DNER: variants seen among roughly 807,000 people sequenced by gnomAD.
DNER encodes the protein delta and Notch-like epidermal growth factor-related receptor.
DNER carries 33 observed loss-of-function variants against 78.2 expected under a neutral mutation model. The observed-to-expected ratio is 0.42, with a 90% CI of 0.32 to 0.56. The LOEUF (loss-of-function observed/expected upper bound fraction) is 0.56, where lower values mean the gene tolerates loss of function less well. Ranked by LOEUF, DNER falls within the 20% of genes least tolerant of loss-of-function variation. DNER has a pLI of 0.11. For synonymous variants in DNER, 417 were observed against 384.8 expected (o/e 1.08, Z -0.98); for missense variants, 918 against 975.3 (o/e 0.94, Z 0.78).
intron 10 of DNER, among the ~76,000 whole-genome samples, chr2:229,391,184 G>A (rs1010324065): frequency 6.6e-6 from 1 of 152,102 alleles, no homozygotes; most frequent in Admixed American, 6.6e-5. Flanking sequence ...GAAAAGTTTG[G>A]CTTCATTTAC....
chr2:229,685,291 C>A (rs1415742023), intron 1 of DNER, among the ~76,000 whole-genome samples: 7 of 113,308 alleles, frequency 6.2e-5, no homozygotes, highest in Non-Finnish European at 1.3e-4. Flanking sequence ...ATAAATACTT[C>A]ACAGGATCAG....
chr2:229,647,981 A>G (rs1480657216), intron 1 of DNER, among the ~76,000 whole-genome samples: 2 of 152,180 alleles, frequency 1.3e-5, no homozygotes, highest in Non-Finnish European at 2.9e-5. Flanking sequence ...AAAGGTCATG[A>G]TGCACATTTA....
chr2:229,636,051 C>T (rs1341653793), intron 1 of DNER, among the ~76,000 whole-genome samples: 1 of 151,992 alleles, frequency 6.6e-6, no homozygotes, highest in African/African-American at 2.4e-5. Context: ...AAGACAGAAC[C>T]AGGATTTGAA....
intron 10 of DNER, among the ~76,000 whole-genome samples, chr2:229,397,113 G>C (rs1178645410): frequency 2.0e-5 from 3 of 152,104 alleles, no homozygotes; most frequent in Non-Finnish European, 4.4e-5. Context: ...CTTTTGGAAA[G>C]ATGGAGCAGA....
intron 1 of DNER, among the ~76,000 whole-genome samples, chr2:229,616,213 C>G (rs959119713): frequency 6.6e-6 from 1 of 152,204 alleles, no homozygotes; most frequent in African/African-American, 2.4e-5. Flanking sequence ...TACCACGGAC[C>G]ACCACGGGCT....
intron 12 of DNER, among the ~76,000 whole-genome samples, chr2:229,362,197 C>T (rs1692232653): frequency 6.6e-6 from 1 of 152,226 alleles, no homozygotes; most frequent in Non-Finnish European, 1.5e-5. Flanking sequence ...ATTCCATTGT[C>T]TTGTTTTCAC....
At chr2:229,428,972 A>G (rs1039670793) in intron 8 of DNER, among the ~76,000 whole-genome samples, 2 of 152,150 alleles carry the variant, frequency 1.3e-5, no homozygotes, top group African/African-American at 4.8e-5. Flanking sequence ...TAAAATAGAG[A>G]GAAAGAAAAA....
chr2:229,663,695 C>A (rs1432121492), intron 1 of DNER, among the ~76,000 whole-genome samples: 1 of 152,180 alleles, frequency 6.6e-6, no homozygotes, highest in Non-Finnish European at 1.5e-5. Flanking sequence ...ATGCATCCAG[C>A]AGATTAACTG....
chr2:229,668,109 G>T (rs895508035), intron 1 of DNER, among the ~76,000 whole-genome samples: 1 of 152,096 alleles, frequency 6.6e-6, no homozygotes, highest in African/African-American at 2.4e-5. Context: ...AAAATGTTGA[G>T]ATCACACTGT....
intron 1 of DNER, among the ~76,000 whole-genome samples, chr2:229,592,952 G>A (rs531514699): frequency 2.0e-3 from 311 of 152,232 alleles, no homozygotes; most frequent in African/African-American, 6.9e-3. Context: ...TGGTAAAACG[G>A]CTACTCGTTC....
intron 4 of DNER, among the ~76,000 whole-genome samples, chr2:229,584,671 C>T (rs1333456762): frequency 6.6e-6 from 1 of 152,134 alleles, no homozygotes; most frequent in African/African-American, 2.4e-5. Context: ...ACTAATTAGC[C>T]TGTAATCCCA....
intron 7 of DNER, among the ~76,000 whole-genome samples, chr2:229,469,331 A>T (rs979281401): frequency 7.2e-5 from 11 of 152,238 alleles, no homozygotes; most frequent in Admixed American, 5.9e-4. Flanking sequence ...TTAGAGCCTC[A>T]GGAATTATCT....
At chr2:229,581,696 C>T (rs2154214316) in intron 4 of DNER, among the ~76,000 whole-genome samples, 1 of 152,172 alleles carries the variant, frequency 6.6e-6, no homozygotes, top group East Asian at 1.9e-4. Context: ...GGAAATAAGC[C>T]AAATGTAAGT....
chr2:229,411,040 G>A (rs773577892), intron 9 of DNER, among the ~76,000 whole-genome samples: 1 of 152,130 alleles, frequency 6.6e-6, no homozygotes, highest in Non-Finnish European at 1.5e-5. Context: ...TCCTGTGTGT[G>A]TCACTCAGTC....
At chr2:229,522,640 T>C (rs1559156418) in intron 5 of DNER, among the ~76,000 whole-genome samples, 1 of 152,150 alleles carries the variant, frequency 6.6e-6, no homozygotes, top group Non-Finnish European at 1.5e-5. Flanking sequence ...CTTTAAGAAA[T>C]GAAAATTGTT....
chr2:229,405,953 G>C (rs532168707), intron 10 of DNER, among the ~76,000 whole-genome samples: 1 of 152,148 alleles, frequency 6.6e-6, no homozygotes, highest in East Asian at 1.9e-4. Flanking sequence ...AAATGTCTGC[G>C]TGTGTTTATA....
chr2:229,497,615 A>T (rs574216911), intron 6 of DNER, among the ~76,000 whole-genome samples: 1 of 152,168 alleles, frequency 6.6e-6, no homozygotes, highest in African/African-American at 2.4e-5. Flanking sequence ...GGATATTACA[A>T]CTGATACCAC....
chr2:229,396,262 C>T (rs1693138396), intron 10 of DNER, among the ~76,000 whole-genome samples: 1 of 151,936 alleles, frequency 6.6e-6, no homozygotes, highest in Non-Finnish European at 1.5e-5. Context: ...AAATATTTTA[C>T]CAGGAAGATA....
intron 7 of DNER, among the ~76,000 whole-genome samples, chr2:229,462,958 A>G (rs1694733414): frequency 6.6e-6 from 1 of 152,120 alleles, no homozygotes; most frequent in South Asian, 2.1e-4. Flanking sequence ...AATTTTTGAC[A>G]TAAGTGTTAG....
Sources: gnomAD v4.1 joint callset for allele counts (sites outside exome capture counted in the v4.1 genomes callset) on GRCh38, gnomAD v4.1.1 for gene constraint, MANE v1.5 for transcripts, NCBI Gene and HGNC (gene_info 2026-07-23, HGNC 2026-07-21) for gene names.